The following PLCL2 variants were observed in gnomAD, a reference collection of about 807,000 sequenced individuals.
PLCL2 encodes inactive phospholipase C-like protein 2.
PLCL2 carries 4 observed loss-of-function variants against 79.6 expected under a neutral mutation model. The observed-to-expected ratio is 0.05, with a 90% CI of 0.02 to 0.11. The LOEUF (loss-of-function observed/expected upper bound fraction) is 0.11. Among genes scored for constraint, PLCL2 ranks in the 10% least tolerant of loss-of-function variants. The pLI is 1.00. For synonymous variants in PLCL2, 484 were observed against 457.7 expected (o/e 1.06, Z -0.73); for missense variants, 895 against 1,291.0 (o/e 0.69, Z 4.70).
chr3:17,010,583 G>A lies in PLCL2; in HGVS notation c.1237G>A (p.Asp413Asn), dbSNP rs747668436. ...DGFTNYLMSP[D>N]CYIFDPEHKK... Reference sequence around the variant, plus strand: ...GTTCACTAATTACCTTATGTCACCTGACTGTTATATATTCGATCCAGAACA... The same window carrying A: ...GTTCACTAATTACCTTATGTCACCTAACTGTTATATATTCGATCCAGAACA... The change falls in exon 2 of 6, where the codon GAC (aspartate) becomes AAC (asparagine). Residue 413 changes from aspartate to asparagine, a missense_variant. Physicochemically the swap from Asp to Asn is conservative, Grantham distance 23 (BLOSUM62 1). Transcript: ENST00000615277. The surrounding 1 kb of genome is among the most constrained non-coding windows in gnomAD (Gnocchi z 5.8). 1.9e-6 allele frequency: 3 copies of A among 1,614,006 alleles called. No homozygotes were observed. Among genetic ancestry groups the A allele is most frequent in the Non-Finnish European group, 1.7e-6 (2 of 1,180,020 alleles).
chr3:16,899,267 C>T (rs1040983754), intron 1 of PLCL2, among the ~76,000 whole-genome samples: 1 of 152,202 alleles, frequency 6.6e-6, no homozygotes, highest in African/African-American at 2.4e-5. Context: ...GGGAGAGGAA[C>T]AGTTGAGCAT....
intron 3 of PLCL2, among the ~76,000 whole-genome samples, chr3:17,015,441 C>T (rs2064373273): frequency 1.3e-5 from 2 of 152,102 alleles, no homozygotes; most frequent in Admixed American, 1.3e-4. Context: ...CCTCAGGACA[C>T]CTAGAATATT....
At chr3:16,944,415 C>T (rs557663964) in intron 1 of PLCL2, among the ~76,000 whole-genome samples, 1 of 152,242 alleles carries the variant, frequency 6.6e-6, no homozygotes, top group South Asian at 2.1e-4. Flanking sequence ...CTGAACTGTG[C>T]CCCCTCAAAA....
chr3:16,930,427 T>A (rs1697365361), intron 1 of PLCL2, among the ~76,000 whole-genome samples: 1 of 152,182 alleles, frequency 6.6e-6, no homozygotes, highest in Non-Finnish European at 1.5e-5. Flanking sequence ...TAATTGTTAT[T>A]TATTCTATCT....
At chr3:17,083,352 T>C (rs2065183474) in intron 5 of PLCL2, among the ~76,000 whole-genome samples, 1 of 152,056 alleles carries the variant, frequency 6.6e-6, no homozygotes, top group Non-Finnish European at 1.5e-5. Flanking sequence ...TGCATAGACA[T>C]TGAGGTTGGA....
Position 17,033,108 on chromosome 3 carries a change from A to G in PLCL2, c.3019-9766A>G, listed in dbSNP as rs74431193. Among the ~76,000 whole-genome samples the G allele has an allele frequency of 1.1e-3, 171 of 152,302 alleles. 1 individual carries two copies. Among genetic ancestry groups the G allele is most frequent in the Non-Finnish European group, 2.0e-3 (134 of 68,018 alleles). Reference sequence around the variant, plus strand: ...CCGTATCAGGGTTTAGATAAAAGTTATGTAACAGGAAAGACACATTGATCC... The same window carrying G: ...CCGTATCAGGGTTTAGATAAAAGTTGTGTAACAGGAAAGACACATTGATCC... On this transcript the variant is annotated intron_variant, in intron 3 of 5. Coordinates refer to ENST00000615277, the MANE Select transcript of PLCL2 (RefSeq NM_001144382.2).
intron 5 of PLCL2, among the ~76,000 whole-genome samples, chr3:17,085,032 C>T (rs930913219): frequency 1.3e-5 from 2 of 151,808 alleles, no homozygotes; most frequent in African/African-American, 2.4e-5. Context: ...GTAGAAAATC[C>T]AAAAGAATTG....
At position 17,009,621 on chromosome 3, in the gene PLCL2, C is replaced by A; in HGVS notation, c.328-53C>A. ...TTAAATTTCTATTCATAATCTTGAA[C>A]ATAGAAACCTATATTTATGTTATTC... On this transcript the variant is annotated intron_variant, in intron 1 of 5. Transcript: ENST00000615277. The surrounding 1 kb of genome is among the most constrained non-coding windows in gnomAD (Gnocchi z 4.0). 1 of 912,180 alleles carries A rather than the reference C, an allele frequency of 1.1e-6. No homozygotes were observed. The highest frequency in any genetic ancestry group is 1.6e-6 in the Non-Finnish European group (1 of 613,970). 56.5% of individuals were successfully genotyped at this position (912,180 alleles called of 1,614,324 possible). A position where few individuals can be genotyped will look rare whatever the true frequency, so the allele number is the denominator to read the frequency against.
Position 17,010,151 on chromosome 3 carries a change from A to G in PLCL2, c.805A>G (p.Thr269Ala). The part of the protein sequence containing the change: ...MLESSQDNMR[T>A]SWVSQMFSEI... The stretch of plus-strand genomic sequence containing the variant: ...AGAAAGTAGCCAAGATAACATGAGG[A>G]CTTCTTGGGTTTCACAAATGTTTAG... Residue 269 changes from threonine to alanine, a missense_variant, in exon 2 of 6, where the codon ACT (threonine) becomes GCT (alanine). Physicochemically the swap from Thr to Ala is moderately conservative, Grantham distance 58. Transcript: ENST00000615277. The surrounding 1 kb of genome is among the most constrained non-coding windows in gnomAD (Gnocchi z 5.8). 1.2e-6 allele frequency: 2 copies of G among 1,613,436 alleles called. No homozygotes were observed. The highest frequency in any genetic ancestry group is 1.7e-6 in the Non-Finnish European group (2 of 1,179,342).
intron 1 of PLCL2, among the ~76,000 whole-genome samples, chr3:16,907,952 A>G (rs1281006376): frequency 6.6e-6 from 1 of 152,072 alleles, no homozygotes; most frequent in East Asian, 1.9e-4. Context: ...TTTTATTCCA[A>G]TGATATGTAT....
At chr3:16,896,213 G>C (rs540482706) in intron 1 of PLCL2, among the ~76,000 whole-genome samples, 4 of 152,248 alleles carry the variant, frequency 2.6e-5, no homozygotes, top group African/African-American at 9.6e-5. Flanking sequence ...TTTGCTGTCT[G>C]TGGATCAGCA....
At chr3:16,987,372 C>T (rs772167326) in intron 1 of PLCL2, among the ~76,000 whole-genome samples, 1 of 152,080 alleles carries the variant, frequency 6.6e-6, no homozygotes, top group African/African-American at 2.4e-5. Flanking sequence ...CTTGGTAACC[C>T]CAGAGCCCAG....
intron 3 of PLCL2, among the ~76,000 whole-genome samples, chr3:17,031,519 T>C (rs1166494520): frequency 1.3e-5 from 2 of 152,212 alleles, no homozygotes; most frequent in Non-Finnish European, 2.9e-5. Flanking sequence ...ATCATTAATG[T>C]AGCTTAGAAA....
chr3:16,953,673 G>A (rs13073804), intron 1 of PLCL2, among the ~76,000 whole-genome samples: 24,348 of 152,020 alleles, frequency 0.16, 2,482 homozygotes, highest in Non-Finnish European at 0.21. Flanking sequence ...TGTACAAGCT[G>A]GATAATCCCA....
At chr3:17,032,578 C>A (rs774320742) in intron 3 of PLCL2, among the ~76,000 whole-genome samples, 3 of 152,018 alleles carry the variant, frequency 2.0e-5, no homozygotes, top group Non-Finnish European at 4.4e-5. Flanking sequence ...CTCCTCCCAG[C>A]CTAACAAATG....
At chr3:16,889,049 G>T (rs565071338) in intron 1 of PLCL2, among the ~76,000 whole-genome samples, 3 of 152,006 alleles carry the variant, frequency 2.0e-5, no homozygotes, top group Admixed American at 6.6e-5. Context: ...GGCAATCTTC[G>T]GTTCTTTTTT....
At chr3:16,952,390 A>AAAAAAC (rs2063663106) in intron 1 of PLCL2, among the ~76,000 whole-genome samples, 1 of 143,552 alleles carries the variant, frequency 7.0e-6, no homozygotes, top group Non-Finnish European at 1.5e-5. Context: ...AAAAAAAAAA[A>AAAAAAC]AGAACCTGTT....
intron 1 of PLCL2, among the ~76,000 whole-genome samples, chr3:16,919,802 C>T (rs1697080790): frequency 6.6e-6 from 1 of 152,080 alleles, no homozygotes; most frequent in Non-Finnish European, 1.5e-5. Flanking sequence ...GAGGTATTGG[C>T]ACATGCATAA....
chr3:17,037,992 G>T (rs2064675179), intron 3 of PLCL2, among the ~76,000 whole-genome samples: 1 of 152,054 alleles, frequency 6.6e-6, no homozygotes, highest in Non-Finnish European at 1.5e-5. Context: ...ACTAACATGG[G>T]AGTTACTTTC....
Sources: allele counts gnomAD v4.1 joint callset (sites outside exome capture counted in the v4.1 genomes callset), GRCh38; gene constraint gnomAD v4.1.1; non-coding constraint Gnocchi (gnomAD v3.1); transcripts MANE v1.5; gene names NCBI Gene and HGNC (gene_info 2026-07-23, HGNC 2026-07-21).